The following N4BP2 variants were observed in gnomAD, a reference collection of about 807,000 sequenced individuals.
The protein encoded by N4BP2 is NEDD4 binding protein 2, also known as NEDD4-binding protein 2.
Under a neutral mutation model 152.8 loss-of-function variants are expected in N4BP2, and 91 were observed. The observed-to-expected ratio is 0.60, with a 90% CI of 0.50 to 0.71. N4BP2 has a LOEUF of 0.71. Ranked by LOEUF, N4BP2 falls within the 30% of genes least tolerant of loss-of-function variation. The probability of loss-of-function intolerance (pLI) is 0.00; values close to 1 mark genes in which losing one functional copy is unlikely to be tolerated. For synonymous variants in N4BP2, 646 were observed against 705.3 expected (o/e 0.92, Z 1.33); for missense variants, 1,923 against 2,059.1 (o/e 0.93, Z 1.28).
chr4:40,100,377 T>G (rs1336595732), intron 3 of N4BP2, among the ~76,000 whole-genome samples: 1 of 150,132 alleles, frequency 6.7e-6, no homozygotes, highest in African/African-American at 2.5e-5. Flanking sequence ...TTTTTTTTTT[T>G]GGTTTCCTTT....
intron 5 of N4BP2, among the ~76,000 whole-genome samples, chr4:40,111,163 A>G (rs1716843208): frequency 6.6e-6 from 1 of 152,196 alleles, no homozygotes; most frequent in Admixed American, 6.6e-5. Flanking sequence ...AAGCTTCTGT[A>G]TACCCTTCAC....
rs750823127 is a variant in N4BP2, at chr4:40,137,391, G to A, written c.4785+309G>A. 1.0e-3 allele frequency among the ~76,000 whole-genome samples: 155 copies of A among 152,076 alleles called. 3 individuals are homozygous for A. The highest frequency in any genetic ancestry group is 2.5e-4 in the Non-Finnish European group (17 of 68,022). ...TGATGGGTCTTGAATATAAACATGT[G>A]GGCAGAAATATTTAGCCTTTTGGGA... is the stretch of plus-strand genomic sequence containing the variant. On this transcript the variant is annotated intron_variant, in intron 14 of 17. Coordinates refer to ENST00000261435, the MANE Select transcript of N4BP2 (RefSeq NM_018177.6).
the N4BP2 span, among the ~76,000 whole-genome samples, chr4:40,177,972 C>G: frequency 2.0e-5 from 3 of 152,080 alleles, no homozygotes; most frequent in African/African-American, 7.2e-5. Flanking sequence ...AAAGATGAGG[C>G]ATTTAACTTA....
intron 1 of N4BP2, among the ~76,000 whole-genome samples, chr4:40,057,790 G>T (rs1384042574): frequency 6.6e-6 from 1 of 151,628 alleles, no homozygotes; most frequent in African/African-American, 2.4e-5. Context: ...TTTTCCCTCC[G>T]AAAGAGAGCT....
At chr4:40,124,990 T>C (rs1718262794) in intron 11 of N4BP2, among the ~76,000 whole-genome samples, 1 of 152,212 alleles carries the variant, frequency 6.6e-6, no homozygotes, top group African/African-American at 2.4e-5. Context: ...TCTTAGATAG[T>C]GTTGTCTTCA....
At chr4:40,122,482 T>TGA (rs1235677689) in intron 9 of N4BP2, among the ~76,000 whole-genome samples, 173 bp downstream of exon 9, 1 of 152,128 alleles carries the variant, frequency 6.6e-6, no homozygotes, top group Non-Finnish European at 1.5e-5. Context: ...CAAGTGATTC[T>TGA]CCTGCCTCAG....
chr4:40,115,723 A>G (rs1408996424), intron 7 of N4BP2, among the ~76,000 whole-genome samples: 1 of 152,128 alleles, frequency 6.6e-6, no homozygotes, highest in Non-Finnish European at 1.5e-5. Flanking sequence ...CAGGTTGTGT[A>G]GTTTGTATGA....
At chr4:40,144,846 G>T (rs756744704) in intron 16 of N4BP2, 46 bp downstream of exon 16, 4 of 1,478,434 alleles carry the variant, frequency 2.7e-6, no homozygotes, top group Non-Finnish European at 3.7e-6. Context: ...ATATGTCTTT[G>T]CTTATATTGG....
At chr4:40,185,008 A>G in the N4BP2 span, among the ~76,000 whole-genome samples, 13 of 152,134 alleles carry the variant, frequency 8.5e-5, no homozygotes, top group African/African-American at 2.9e-4. Flanking sequence ...TTGGGATTTT[A>G]CTGTACAGAT....
intron 16 of N4BP2, among the ~76,000 whole-genome samples, chr4:40,145,794 A>G (rs1720457890): frequency 6.6e-6 from 1 of 152,198 alleles, no homozygotes; most frequent in African/African-American, 2.4e-5. Flanking sequence ...TTTATTGTCT[A>G]GTGGGGTATA....
intron 2 of N4BP2, among the ~76,000 whole-genome samples, chr4:40,094,373 TGA>T (rs1714913801): frequency 6.6e-6 from 1 of 152,152 alleles, no homozygotes; most frequent in African/African-American, 2.4e-5. Flanking sequence ...TTGGTGTTGT[TGA>T]GTTCTATATA....
the N4BP2 span, among the ~76,000 whole-genome samples, chr4:40,187,902 T>C: frequency 6.6e-6 from 1 of 152,100 alleles, no homozygotes; most frequent in African/African-American, 2.4e-5. Context: ...AAAATGAATG[T>C]CTAAAACTTG....
Position 40,118,028 on chromosome 4 carries a change from G to T in N4BP2, c.1820+4G>T. On this transcript the variant is annotated splice_donor_region_variant and intron_variant, in intron 8 of 17. Coordinates refer to ENST00000261435, the MANE Select transcript of N4BP2 (RefSeq NM_018177.6). ...CTTGTGAGGATAGAAGCACTAGGTAGGTTAAAATGCCTTATGTACAAAATT... is the reference window on the plus strand; with the variant it reads ...CTTGTGAGGATAGAAGCACTAGGTATGTTAAAATGCCTTATGTACAAAATT... 6.5e-7 allele frequency: 1 copy of T among 1,547,926 alleles called. No homozygotes were observed.
intron 2 of N4BP2, among the ~76,000 whole-genome samples, chr4:40,080,354 A>G (rs2109916183): frequency 6.7e-6 from 1 of 149,634 alleles, no homozygotes; most frequent in South Asian, 2.1e-4. Context: ...GTATATATAT[A>G]ATTTTTTTTT....
the N4BP2 span, among the ~76,000 whole-genome samples, chr4:40,182,493 C>T: frequency 6.6e-6 from 1 of 152,118 alleles, no homozygotes; most frequent in Admixed American, 6.5e-5. Context: ...CTTTGTCACC[C>T]AGGCTGGAGT....
intron 2 of N4BP2, chr4:40,078,049 A>C (rs1158454532): frequency 6.6e-6 from 1 of 152,086 alleles, no homozygotes; most frequent in Admixed American, 6.6e-5. Flanking sequence ...GAAAATACTT[A>C]AAAAAATGCA....
At chr4:40,087,115 G>C (rs1033919550) in intron 2 of N4BP2, among the ~76,000 whole-genome samples, 1 of 152,036 alleles carries the variant, frequency 6.6e-6, no homozygotes, top group Non-Finnish European at 1.5e-5. Flanking sequence ...ATTGTGTTTT[G>C]TGGCTATTGG....
chr4:40,137,455 A>AT (rs1719511095), intron 14 of N4BP2, among the ~76,000 whole-genome samples: 1 of 152,174 alleles, frequency 6.6e-6, no homozygotes. Flanking sequence ...CTACCATTTT[A>AT]TATTTCCACT....
the N4BP2 span, among the ~76,000 whole-genome samples, chr4:40,173,439 T>C: frequency 6.6e-6 from 1 of 151,870 alleles, no homozygotes; most frequent in South Asian, 2.1e-4. Context: ...GGAAAGAAAA[T>C]AGGATACTCA....
Sources: allele counts gnomAD v4.1 joint callset (sites outside exome capture counted in the v4.1 genomes callset), GRCh38; gene constraint gnomAD v4.1.1; transcripts MANE v1.5; gene names NCBI Gene and HGNC (gene_info 2026-07-23, HGNC 2026-07-21).